The following NCF2 variants were observed in gnomAD, a reference collection of about 807,000 sequenced individuals.
The protein encoded by NCF2 is neutrophil cytosol factor 2.
NCF2 carries 45 observed loss-of-function variants against 70.9 expected under a neutral mutation model. The ratio of observed to expected loss-of-function variants is 0.63; its 90% CI spans 0.50 to 0.81. NCF2 has a LOEUF of 0.81. Ranked by LOEUF, NCF2 falls within the 40% of genes least tolerant of loss-of-function variation. The pLI, the probability that NCF2 is intolerant of heterozygous loss-of-function variation, is 0.00. For synonymous variants in NCF2, 203 were observed against 233.6 expected (o/e 0.87, Z 1.19); for missense variants, 522 against 631.6 (o/e 0.83, Z 1.86).
intron 2 of NCF2, among the ~76,000 whole-genome samples, chr1:183,580,266 T>G (rs879304621): frequency 2.0e-5 from 3 of 152,172 alleles, no homozygotes; most frequent in Non-Finnish European, 4.4e-5. Context: ...AGGCCATTCT[T>G]TAAGTAGCAA....
chr1:183,563,890 T>C (rs1294349452), intron 11 of NCF2, 115 bp downstream of exon 11: 1 of 1,230,996 alleles, frequency 8.1e-7, no homozygotes, highest in Non-Finnish European at 1.2e-6. Context: ...AGGTAGCAAC[T>C]GGTTCGACCC....
At chr1:183,587,188 T>G (rs1231570062) in intron 1 of NCF2, among the ~76,000 whole-genome samples, 1 of 152,256 alleles carries the variant, frequency 6.6e-6, no homozygotes, top group Non-Finnish European at 1.5e-5. Flanking sequence ...TGTGCATTCC[T>G]TGTATTGTCA....
At chr1:183,586,666 T>C (rs1673367361) in intron 2 of NCF2, among the ~76,000 whole-genome samples, 1 of 152,170 alleles carries the variant, frequency 6.6e-6, no homozygotes, top group African/African-American at 2.4e-5. Context: ...CCTAGGCTCA[T>C]TGTGCCTATG....
chr1:183,570,697 C>T lies in NCF2; in HGVS notation c.669+83G>A, dbSNP rs1034598756. ...AAGGAGCCCTTACAATCAGGCAACTCAGCACACATAGTCTCTCGAATTGAA... is the reference window on the plus strand; with the variant it reads ...AAGGAGCCCTTACAATCAGGCAACTTAGCACACATAGTCTCTCGAATTGAA... On this transcript the variant is annotated intron_variant, in intron 6 of 14. Transcript: ENST00000367535. The T allele has an allele frequency of 3.5e-6, 5 of 1,446,422 alleles. No individual in the cohort carries two copies. The African/African-American group carries it at 7.0e-5, about 20-fold the overall frequency. 89.6% of individuals were successfully genotyped at this position (1,446,422 alleles called of 1,614,324 possible).
chr1:183,596,360 T>C, the NCF2 span, among the ~76,000 whole-genome samples: 1 of 151,528 alleles, frequency 6.6e-6, no homozygotes, highest in South Asian at 2.1e-4. Flanking sequence ...ACACACACAA[T>C]GTCTAGTACC....
At chr1:183,560,531 G>C (rs907686764) in intron 13 of NCF2, among the ~76,000 whole-genome samples, 5 of 152,166 alleles carry the variant, frequency 3.3e-5, no homozygotes, top group Non-Finnish European at 5.9e-5. Flanking sequence ...TGGTGGGTTG[G>C]GGGGTGGTTT....
chr1:183,587,174 A>G (rs1381329068), intron 1 of NCF2, among the ~76,000 whole-genome samples, 197 bp from the exon 2 acceptor site: 2 of 152,202 alleles, frequency 1.3e-5, no homozygotes, highest in African/African-American at 4.8e-5. Flanking sequence ...GTCTGGGACA[A>G]TGGTGTGCAT....
chr1:183,559,145 G>T (rs965890419), intron 14 of NCF2, among the ~76,000 whole-genome samples: 1 of 152,182 alleles, frequency 6.6e-6, no homozygotes, highest in Admixed American at 6.5e-5. Flanking sequence ...CAGAATCTCT[G>T]GAGGGTGGGC....
At chr1:183,559,308 A>C (rs34192123) in intron 14 of NCF2, among the ~76,000 whole-genome samples, 1,883 of 152,364 alleles carry the variant, frequency 0.012, 15 homozygotes, top group Non-Finnish European at 0.02. Flanking sequence ...GATTACAGGC[A>C]TGCTGTTTCA....
chr1:183,587,965 G>A (rs1673437892), intron 1 of NCF2, among the ~76,000 whole-genome samples: 2 of 152,046 alleles, frequency 1.3e-5, no homozygotes, highest in Admixed American at 1.3e-4. Flanking sequence ...TTAATAATAT[G>A]ATTTAATATG....
chr1:183,561,509 T>C (rs1672047603), intron 13 of NCF2, among the ~76,000 whole-genome samples: 2 of 152,236 alleles, frequency 1.3e-5, no homozygotes, highest in Non-Finnish European at 2.9e-5. Context: ...TTGACATTTA[T>C]TGAACACTTA....
Position 183,590,225 on chromosome 1 carries a change from G to C in NCF2, c.105C>G (p.Pro35=). The C allele has an allele frequency of 6.2e-7, 1 of 1,614,160 alleles. No individual in the cohort carries two copies. Among genetic ancestry groups the C allele is most frequent in the Non-Finnish European group, 8.5e-7 (1 of 1,180,032 alleles). ...CAATGTTGAAGCAAATCCGGGAGTG[G>C]GGGTCCTGGACGGCACTGAAGGCAT... is the stretch of plus-strand genomic sequence containing the variant. The part of the protein sequence containing the change: ...ALDAFSAVQD[P]HSRICFNIGC... Residue 35 remains proline, a synonymous_variant, in exon 1 of 15, where the codon CCC becomes CCG. Coordinates refer to ENST00000367535, the MANE Select transcript of NCF2 (RefSeq NM_000433.4).
At chr1:183,564,885 G>A (rs1672234766) in intron 10 of NCF2, among the ~76,000 whole-genome samples, 1 of 152,244 alleles carries the variant, frequency 6.6e-6, no homozygotes, top group Non-Finnish European at 1.5e-5. Context: ...CGTTTTTGCA[G>A]CTGTGTAGGG....
chr1:183,585,804 AG>A (rs1260660819), intron 2 of NCF2, among the ~76,000 whole-genome samples: 1 of 152,092 alleles, frequency 6.6e-6, no homozygotes, highest in East Asian at 1.9e-4. Context: ...GATGAGAGGG[AG>A]GAGGAATTGA....
At chr1:183,599,468 T>TTC in the NCF2 span, among the ~76,000 whole-genome samples, 2 of 142,600 alleles carry the variant, frequency 1.4e-5, no homozygotes, top group Admixed American at 1.5e-4. Flanking sequence ...CTTTCTTTCT[T>TTC]TCTTTCTTTC....
chr1:183,588,405 G>C (rs981870412), intron 1 of NCF2, among the ~76,000 whole-genome samples: 2 of 150,448 alleles, frequency 1.3e-5, no homozygotes, highest in Admixed American at 1.3e-4. Context: ...AACCCAGGAG[G>C]CAGAGGTTGC....
chr1:183,598,893 G>A, the NCF2 span, among the ~76,000 whole-genome samples: 1 of 152,224 alleles, frequency 6.6e-6, no homozygotes, highest in Non-Finnish European at 1.5e-5. Context: ...TGAGATTCAG[G>A]AAGCCAGGAT....
chr1:183,565,450 A>C (rs948286807), intron 10 of NCF2, among the ~76,000 whole-genome samples: 6 of 152,154 alleles, frequency 3.9e-5, no homozygotes, highest in African/African-American at 1.4e-4. Context: ...TGACTACGTG[A>C]GTCACTCAGG....
At position 183,581,715 on chromosome 1, in the gene NCF2, C is replaced by A. The variant is rs560729507; in HGVS notation, c.258-4008G>T. Among the ~76,000 whole-genome samples, 736 of 151,656 alleles carry A rather than the reference C, an allele frequency of 4.9e-3. 1 individual carries two copies. Among genetic ancestry groups the A allele is most frequent in the Non-Finnish European group, 8.2e-3 (557 of 67,860 alleles). On this transcript the variant is annotated intron_variant, in intron 2 of 14. Transcript: ENST00000367535. ...ACAGAGTCTCGCTCTGTTGCCCTGG[C>A]TGGAGTGCAGTGGCGCGATCTCGGC...
Sources: gnomAD v4.1 joint callset for allele counts (sites outside exome capture counted in the v4.1 genomes callset) on GRCh38, gnomAD v4.1.1 for gene constraint, MANE v1.5 for transcripts, NCBI Gene and HGNC (gene_info 2026-07-23, HGNC 2026-07-21) for gene names.